Variants in DSCAM observed in about 807,000 individuals in gnomAD.
The protein encoded by DSCAM is DS cell adhesion molecule.
DSCAM carries 47 observed loss-of-function variants against 217.7 expected under a neutral mutation model. The ratio of observed to expected loss-of-function variants is 0.22; its 90% CI spans 0.17 to 0.28. The LOEUF is 0.28. Among genes scored for constraint, DSCAM ranks in the 10% least tolerant of loss-of-function variants. DSCAM has a pLI of 1.00. For synonymous variants in DSCAM, 1,056 were observed against 1,015.3 expected (o/e 1.04, Z -0.76); for missense variants, 2,080 against 2,618.3 (o/e 0.79, Z 4.49).
At chr21:40,604,087 G>A (rs1366916571) in intron 3 of DSCAM, among the ~76,000 whole-genome samples, 1 of 151,432 alleles carries the variant, frequency 6.6e-6, no homozygotes, top group Non-Finnish European at 1.5e-5. Context: ...TTTTGTAATT[G>A]TCCCAGAGTA....
chr21:40,311,458 G>T (rs191090208), intron 9 of DSCAM, among the ~76,000 whole-genome samples: 100 of 152,264 alleles, frequency 6.6e-4, no homozygotes, highest in African/African-American at 2.4e-3. Flanking sequence ...TAGATGTAAT[G>T]AGATTACTGC....
In DSCAM at chr21:40,144,405, G is replaced by A; in HGVS notation, c.3259+86C>T. The stretch of plus-strand genomic sequence containing the variant: ...GTCACTGCAAAGTCGTGGGGCGGGG[G>A]AGTGCGAGGTTGGGGGAGCCCCGGG... On this transcript the variant is annotated intron_variant, in intron 17 of 32. Coordinates refer to ENST00000400454, the MANE Select transcript of DSCAM (RefSeq NM_001389.5). The surrounding 1 kb of genome is among the most constrained non-coding windows in gnomAD (Gnocchi z 4.8). 6.4e-7 allele frequency: 1 copy of A among 1,567,708 alleles called. No individual in the cohort carries two copies. The highest frequency in any genetic ancestry group is 8.7e-7 in the Non-Finnish European group (1 of 1,153,580).
intron 1 of DSCAM, among the ~76,000 whole-genome samples, chr21:40,781,626 G>T (rs1454560836): frequency 6.6e-6 from 1 of 151,996 alleles, no homozygotes; most frequent in Non-Finnish European, 1.5e-5. Context: ...ATACTTGGGG[G>T]TCCCGAAACC....
intron 3 of DSCAM, among the ~76,000 whole-genome samples, chr21:40,390,688 G>A (rs558183897): frequency 5.9e-5 from 9 of 151,890 alleles, no homozygotes; most frequent in East Asian, 1.9e-4. Context: ...TTATGGCAGC[G>A]TAATTCCAAT....
At chr21:40,321,665 C>G (rs1206025809) in intron 8 of DSCAM, among the ~76,000 whole-genome samples, 1 of 150,904 alleles carries the variant, frequency 6.6e-6, no homozygotes, top group Non-Finnish European at 1.5e-5. Context: ...CCTTACCCAC[C>G]TCAACCAGAT....
At position 40,099,138 on chromosome 21, in the gene DSCAM, G is replaced by A. The variant is rs200994849; in HGVS notation, c.3697-5264C>T. Among the ~76,000 whole-genome samples the A allele has an allele frequency of 1.2e-4, 18 of 152,274 alleles. No homozygotes were observed. The East Asian group carries it at 1.9e-3, about 16-fold the overall frequency. On this transcript the variant is annotated intron_variant, in intron 20 of 32. Transcript: ENST00000400454. ...CATTAAGATATATTTATAAAATAAA[G>A]ATCTTTTTCTGTGTAGACAACATAG...
At chr21:40,178,844 C>T in intron 15 of DSCAM, 83 bp downstream of exon 15, 1 of 1,564,634 alleles carries the variant, frequency 6.4e-7, no homozygotes, top group Non-Finnish European at 8.7e-7. Context: ...GGGCAAAGGT[C>T]TGCTTCTGCA....
chr21:40,248,760 C>T (rs185808643), intron 11 of DSCAM, among the ~76,000 whole-genome samples: 1 of 152,282 alleles, frequency 6.6e-6, no homozygotes, highest in Admixed American at 6.5e-5. Flanking sequence ...CCCCACTCTA[C>T]AGGTACCAAT....
intron 3 of DSCAM, among the ~76,000 whole-genome samples, chr21:40,555,708 C>CTA (rs1451712730): frequency 6.6e-6 from 1 of 152,202 alleles, no homozygotes; most frequent in Non-Finnish European, 1.5e-5. Flanking sequence ...TCATAGCTCA[C>CTA]TATAACCTCA....
chr21:40,161,958 T>A (rs2090545427), intron 16 of DSCAM, among the ~76,000 whole-genome samples: 1 of 152,216 alleles, frequency 6.6e-6, no homozygotes, highest in Admixed American at 6.5e-5. Flanking sequence ...AGTTTACAAT[T>A]TGGAAAGAAA....
At chr21:40,705,002 C>A (rs2090696895) in intron 2 of DSCAM, among the ~76,000 whole-genome samples, 1 of 152,090 alleles carries the variant, frequency 6.6e-6, no homozygotes, top group South Asian at 2.1e-4. Flanking sequence ...AAAGATGGGA[C>A]TGGAAGAACT....
At chr21:40,150,347 T>C (rs913807578) in intron 16 of DSCAM, among the ~76,000 whole-genome samples, 5 of 152,202 alleles carry the variant, frequency 3.3e-5, no homozygotes, top group African/African-American at 1.2e-4. Context: ...AAGAGAAAAT[T>C]GTATATTTTT....
chr21:40,375,874 G>T (rs930293688), intron 3 of DSCAM, among the ~76,000 whole-genome samples: 1 of 152,130 alleles, frequency 6.6e-6, no homozygotes, highest in African/African-American at 2.4e-5. Context: ...CATGTAGACT[G>T]CATAAAAAGA....
At chr21:40,568,173 C>A (rs758763777) in intron 3 of DSCAM, among the ~76,000 whole-genome samples, 2 of 152,162 alleles carry the variant, frequency 1.3e-5, no homozygotes, top group Non-Finnish European at 2.9e-5. Flanking sequence ...GTATCAAATT[C>A]TTTTCTAAGT....
chr21:40,600,079 A>G (rs2077051065), intron 3 of DSCAM, among the ~76,000 whole-genome samples: 1 of 152,230 alleles, frequency 6.6e-6, no homozygotes, highest in South Asian at 2.1e-4. Context: ...ATTGAAAAGG[A>G]GGGACTCCTC....
chr21:40,074,987 T>G lies in DSCAM; in HGVS notation c.4888+50A>C, dbSNP rs200109772. 5.8e-4 allele frequency: 917 copies of G among 1,591,538 alleles called. 2 individuals carry two copies. Among genetic ancestry groups the G allele is most frequent in the Non-Finnish European group, 7.5e-4 (876 of 1,165,806 alleles). On this transcript the variant is annotated intron_variant, in intron 27 of 32. Transcript: ENST00000400454. ...TCCAGCTGGCATCTCTCCCATTGGC[T>G]GCAGAGCAGCAGGGGACACGCGTAG... is the stretch of plus-strand genomic sequence containing the variant.
chr21:40,450,229 G>T (rs1431630638), intron 3 of DSCAM, among the ~76,000 whole-genome samples: 1 of 152,148 alleles, frequency 6.6e-6, no homozygotes, highest in African/African-American at 2.4e-5. Flanking sequence ...TAATACATCT[G>T]AAGATTCCTG....
intron 11 of DSCAM, among the ~76,000 whole-genome samples, chr21:40,275,362 C>T (rs1349108061): frequency 1.3e-5 from 2 of 152,074 alleles, no homozygotes; most frequent in East Asian, 3.9e-4. Flanking sequence ...CTGAATAAAG[C>T]CTTGTAATCA....
At chr21:40,291,636 C>CCGGT (rs2073893350) in intron 10 of DSCAM, among the ~76,000 whole-genome samples, 4 of 152,246 alleles carry the variant, frequency 2.6e-5, no homozygotes, top group Admixed American at 2.6e-4. Flanking sequence ...CCCTCACCTT[C>CCGGT]CGGTCTCCCT....
Sources: gnomAD v4.1 joint callset for allele counts (sites outside exome capture counted in the v4.1 genomes callset) on GRCh38, gnomAD v4.1.1 for gene constraint, Gnocchi (gnomAD v3.1) non-coding constraint, MANE v1.5 for transcripts, NCBI Gene and HGNC (gene_info 2026-07-23, HGNC 2026-07-21) for gene names.